The following TEKT5 variants were observed in gnomAD, a reference collection of about 807,000 sequenced individuals.
TEKT5 encodes tektin 5.
In TEKT5, 52 loss-of-function variants were observed where a neutral mutation model predicts 48.7. The ratio of observed to expected loss-of-function variants is 1.07; its 90% CI spans 0.86 to 1.35. The LOEUF is 1.35. TEKT5 is among the 40% of genes most tolerant of loss of function. TEKT5 has a pLI of 0.00. For missense variants in TEKT5, 831 were observed against 641.6 expected (o/e 1.30, Z -3.19); for synonymous variants, 318 against 267.6 (o/e 1.19, Z -1.84).
chr16:10,676,284 TC>T (rs1488394573), intron 4 of TEKT5, 103 bp from the exon 5 acceptor site: 2 of 1,112,008 alleles, frequency 1.8e-6, no homozygotes, highest in Admixed American at 4.0e-5. Flanking sequence ...TTATTCTCTG[TC>T]CTGTGCATTG....
chr16:10,688,611 G>A (rs951377117), intron 3 of TEKT5, among the ~76,000 whole-genome samples: 9 of 152,224 alleles, frequency 5.9e-5, no homozygotes, highest in African/African-American at 1.4e-4. Flanking sequence ...CCAGCTGCAG[G>A]TGGAGGTGAG....
intron 4 of TEKT5, among the ~76,000 whole-genome samples, chr16:10,678,331 T>C (rs532764238): frequency 4.3e-4 from 66 of 152,188 alleles, no homozygotes; most frequent in Middle Eastern, 3.4e-3. Flanking sequence ...TCTCTTGACG[T>C]CGTGATTCGC....
chr16:10,672,878 G>T (rs1324666678), intron 5 of TEKT5, among the ~76,000 whole-genome samples: 2 of 147,622 alleles, frequency 1.4e-5, no homozygotes, highest in African/African-American at 5.0e-5. Context: ...TTTGAGACAA[G>T]ATCTTGCTCT....
chr16:10,654,096 G>A (rs978135131), intron 5 of TEKT5, among the ~76,000 whole-genome samples: 3 of 151,972 alleles, frequency 2.0e-5, no homozygotes, highest in African/African-American at 7.3e-5. Flanking sequence ...TGTTGTCCAG[G>A]ATGAACTGCA....
rs997137334 is a variant in TEKT5, at chr16:10,692,959, G to A, written c.564+1351C>T. On this transcript the variant is annotated intron_variant, in intron 1 of 6. Coordinates refer to ENST00000283025, the MANE Select transcript of TEKT5 (RefSeq NM_144674.2). ...CCTCATGACAGAAAAATAAATTCCT[G>A]TTTGGCTAAACCACTATCGTGGAGT... 5 of 152,208 alleles carry A rather than the reference G, an allele frequency of 3.3e-5. No homozygotes were observed. In the East Asian group the frequency reaches 5.8e-4, roughly 18 times the overall value. 9.4% of individuals were successfully genotyped at this position (152,208 alleles called of 1,614,324 possible).
chr16:10,634,236 G>T (rs948109049), intron 6 of TEKT5, among the ~76,000 whole-genome samples: 3 of 152,138 alleles, frequency 2.0e-5, no homozygotes, highest in African/African-American at 7.2e-5. Context: ...AGACTAAAGG[G>T]CAAAGAACTC....
chr16:10,657,968 G>A (rs1328744960), intron 5 of TEKT5, among the ~76,000 whole-genome samples: 1 of 151,972 alleles, frequency 6.6e-6, no homozygotes, highest in East Asian at 1.9e-4. Flanking sequence ...CACTTAAAAT[G>A]TACTGTGGTT....
chr16:10,635,734 C>G (rs1484085809), intron 6 of TEKT5, 30 bp downstream of exon 6: 4 of 1,598,814 alleles, frequency 2.5e-6, no homozygotes, highest in Non-Finnish European at 2.6e-6. Context: ...CCCAGGGGTT[C>G]TCCTGCCTCC....
At chr16:10,647,890 C>G (rs1345923854) in intron 5 of TEKT5, among the ~76,000 whole-genome samples, 1 of 152,260 alleles carries the variant, frequency 6.6e-6, no homozygotes, top group Non-Finnish European at 1.5e-5. Flanking sequence ...ATCCGAGTAA[C>G]CACAACAGCT....
chr16:10,644,965 T>C (rs1452158649), intron 5 of TEKT5, among the ~76,000 whole-genome samples: 1 of 152,176 alleles, frequency 6.6e-6, no homozygotes, highest in African/African-American at 2.4e-5. Flanking sequence ...AGTGCCTTTA[T>C]AAGAAGAGGC....
chr16:10,651,050 G>C (rs8057438), intron 5 of TEKT5, among the ~76,000 whole-genome samples: 39,649 of 152,096 alleles, frequency 0.26, 5,635 homozygotes, highest in Middle Eastern at 0.4. Context: ...GCTGGAGACA[G>C]AGCAGCCTGA....
intron 5 of TEKT5, among the ~76,000 whole-genome samples, chr16:10,649,397 C>G (rs781305432): frequency 1.3e-5 from 2 of 151,890 alleles, no homozygotes; most frequent in African/African-American, 4.8e-5. Context: ...AGGCATGAAC[C>G]AATGCACTCC....
At chr16:10,642,815 G>T (rs1596402728) in intron 5 of TEKT5, among the ~76,000 whole-genome samples, 1 of 152,154 alleles carries the variant, frequency 6.6e-6, no homozygotes, top group African/African-American at 2.4e-5. Context: ...TAGAACAGAG[G>T]ATACTACAGG....
intron 5 of TEKT5, among the ~76,000 whole-genome samples, chr16:10,638,132 C>T (rs1167971253): frequency 6.6e-6 from 1 of 152,122 alleles, no homozygotes; most frequent in East Asian, 1.9e-4. Context: ...ATATGATTCT[C>T]TCTACTTCTG....
intron 4 of TEKT5, among the ~76,000 whole-genome samples, chr16:10,681,460 C>G (rs890874788): frequency 6.6e-6 from 1 of 152,086 alleles, no homozygotes; most frequent in Non-Finnish European, 1.5e-5. Context: ...AATCCTCCAG[C>G]CTTGGCCTCC....
intron 2 of TEKT5, 67 bp downstream of exon 2, chr16:10,689,875 A>T: frequency 1.3e-6 from 2 of 1,498,300 alleles, no homozygotes; most frequent in Non-Finnish European, 1.8e-6. Context: ...GTAGCTCAGT[A>T]ATTTCTCTGA....
At chr16:10,629,253 ATT>A (rs1010012795) in intron 6 of TEKT5, among the ~76,000 whole-genome samples, 8 of 144,696 alleles carry the variant, frequency 5.5e-5, no homozygotes, top group Middle Eastern at 3.6e-3. Context: ...TTTTATCACA[ATT>A]TTTTTTTTTT....
intron 6 of TEKT5, among the ~76,000 whole-genome samples, chr16:10,630,034 T>G (rs1194203324): frequency 6.6e-6 from 1 of 151,712 alleles, no homozygotes; most frequent in African/African-American, 2.4e-5. Flanking sequence ...TTCCTTGGCT[T>G]AAGCGTTCCT....
chr16:10,627,536 C>T lies in TEKT5; in HGVS notation c.*47G>A. On this transcript the variant is annotated 3_prime_UTR_variant, in exon 7 of 7. Transcript: ENST00000283025. ...AATACTGTTTTACTTTGTTTCTCAG[C>T]CTTTTCCAATTTTACGCCAGCGCGG... 1 of 1,596,124 alleles carries T rather than the reference C, an allele frequency of 6.3e-7. No individual in the cohort carries two copies. Among genetic ancestry groups the T allele is most frequent in the South Asian group, 1.1e-5 (1 of 90,694 alleles).
Sources: allele counts gnomAD v4.1 joint callset (sites outside exome capture counted in the v4.1 genomes callset), GRCh38; gene constraint gnomAD v4.1.1; transcripts MANE v1.5; gene names NCBI Gene and HGNC (gene_info 2026-07-23, HGNC 2026-07-21).